CACNA1C: variants seen among roughly 807,000 people sequenced by gnomAD.
The protein encoded by CACNA1C is calcium voltage-gated channel subunit alpha1 C.
In CACNA1C, 30 loss-of-function variants were observed where a neutral mutation model predicts 229.0. The ratio of observed to expected loss-of-function variants is 0.13; its 90% CI spans 0.10 to 0.18. The LOEUF is 0.18. Among genes scored for constraint, CACNA1C ranks in the 10% least tolerant of loss-of-function variants. The pLI, the probability that CACNA1C is intolerant of heterozygous loss-of-function variation, is 1.00. For missense variants in CACNA1C, 1,658 were observed against 2,845.0 expected (o/e 0.58, Z 9.49); for synonymous variants, 1,114 against 1,132.5 (o/e 0.98, Z 0.33).
intron 1 of CACNA1C, among the ~76,000 whole-genome samples, chr12:2,085,718 C>T (rs1317381772): frequency 1.3e-5 from 2 of 152,176 alleles, no homozygotes; most frequent in Admixed American, 1.3e-4. Context: ...TAGCCCTCAT[C>T]CTGTACTGTG....
Position 2,287,042 on chromosome 12 carries a change from C to G in CACNA1C, c.478-161934C>G, listed in dbSNP as rs975707535. Among the ~76,000 whole-genome samples, 1 of 152,222 alleles carries G rather than the reference C, an allele frequency of 6.6e-6. No homozygotes were observed. The highest frequency in any genetic ancestry group is 1.5e-5 in the Non-Finnish European group (1 of 68,052). On this transcript the variant is annotated intron_variant, in intron 3 of 46. Coordinates refer to ENST00000399655, the MANE Select transcript of CACNA1C (RefSeq NM_000719.7). This position sits in a 1 kb window ranked among gnomAD's most constrained non-coding sequence, Gnocchi z 4.6. Reference sequence around the variant, plus strand: ...TTTGGAAGCTGTGTGCCTTGTCTGGCTGACTGTCCCAATTACCCCGGGCCC... The same window carrying G: ...TTTGGAAGCTGTGTGCCTTGTCTGGGTGACTGTCCCAATTACCCCGGGCCC...
rs952567581 is a variant in CACNA1C, at chr12:2,120,481, G to A, written c.477+51G>A. ...GCTTTTTCACTCGATGGAGAACTGC[G>A]TTCAGATCACATAGATGCATGGAAT... is the stretch of plus-strand genomic sequence containing the variant. On this transcript the variant is annotated intron_variant, in intron 3 of 46. Coordinates refer to ENST00000399655, the MANE Select transcript of CACNA1C (RefSeq NM_000719.7). 7 of 1,008,954 alleles carry A rather than the reference G, an allele frequency of 6.9e-6. No individual in the cohort carries two copies. In the East Asian group the frequency reaches 7.1e-5, roughly 10 times the overall value. 62.5% of individuals were successfully genotyped at this position (1,008,954 alleles called of 1,614,324 possible).
At chr12:2,254,917 C>T (rs926613334) in intron 3 of CACNA1C, among the ~76,000 whole-genome samples, 1 of 152,142 alleles carries the variant, frequency 6.6e-6, no homozygotes, top group Non-Finnish European at 1.5e-5. Flanking sequence ...AGATTCATCC[C>T]GAAGGTCTTT....
chr12:2,269,142 G>A (rs1183290748), intron 3 of CACNA1C, among the ~76,000 whole-genome samples: 3 of 152,168 alleles, frequency 2.0e-5, no homozygotes, highest in East Asian at 1.9e-4. Flanking sequence ...ATGCCTCCGC[G>A]TCTACTCAGG....
chr12:2,301,207 C>T (rs951541415), intron 3 of CACNA1C, among the ~76,000 whole-genome samples: 1 of 152,094 alleles, frequency 6.6e-6, no homozygotes, highest in Non-Finnish European at 1.5e-5. Flanking sequence ...GGGGTGTAGG[C>T]GACAGGAGAG....
rs1230437958 is a variant in CACNA1C, at chr12:2,285,568, G to A, written c.478-163408G>A. ...TCTCCTTAAACACCTCCTCATCCCA[G>A]ACGGGTTGACTTTCAATGAGAGGAC... On this transcript the variant is annotated intron_variant, in intron 3 of 46. Coordinates refer to ENST00000399655, the MANE Select transcript of CACNA1C (RefSeq NM_000719.7). This position sits in a 1 kb window ranked among gnomAD's most constrained non-coding sequence, Gnocchi z 4.2. Among the ~76,000 whole-genome samples, 6 of 152,124 alleles carry A rather than the reference G, an allele frequency of 3.9e-5. No homozygotes were observed. The highest frequency in any genetic ancestry group is 1.4e-4 in the African/African-American group (6 of 41,422).
intron 1 of CACNA1C, among the ~76,000 whole-genome samples, chr12:2,057,559 G>A (rs891115828): frequency 6.6e-6 from 1 of 152,104 alleles, no homozygotes; most frequent in Non-Finnish European, 1.5e-5. Context: ...TCTCCGTGCC[G>A]CCGCACACAC....
chr12:2,293,216 A>G (rs1403279308), intron 3 of CACNA1C, among the ~76,000 whole-genome samples: 7 of 152,228 alleles, frequency 4.6e-5, no homozygotes, highest in Non-Finnish European at 8.8e-5. Context: ...ACCAAAAGCA[A>G]AAGAAATGGG....
intron 3 of CACNA1C, among the ~76,000 whole-genome samples, chr12:2,230,845 T>G (rs2064879016): frequency 6.6e-6 from 1 of 152,230 alleles, no homozygotes; most frequent in Admixed American, 6.5e-5. Context: ...TCTTAAAGAA[T>G]GATCTGGTGA....
In CACNA1C at chr12:2,354,459, C is replaced by G. The variant is rs2097297310; in HGVS notation, c.478-94517C>G. Among the ~76,000 whole-genome samples, 2 of 152,104 alleles carry G rather than the reference C, an allele frequency of 1.3e-5. No homozygotes were observed. Among genetic ancestry groups the G allele is most frequent in the Admixed American group, 1.3e-4 (2 of 15,278 alleles). Reference sequence around the variant, plus strand: ...TATGACTGCAGCCTGTAGGGAAACGCCGGGAGGAACAGGAGACTGTTGAGA... The same window carrying G: ...TATGACTGCAGCCTGTAGGGAAACGGCGGGAGGAACAGGAGACTGTTGAGA... On this transcript the variant is annotated intron_variant, in intron 3 of 46. Transcript: ENST00000399655. This position sits in a 1 kb window ranked among gnomAD's most constrained non-coding sequence, Gnocchi z 4.6.
chr12:2,405,919 C>A (rs2098732785), intron 3 of CACNA1C, among the ~76,000 whole-genome samples: 1 of 152,168 alleles, frequency 6.6e-6, no homozygotes, highest in Admixed American at 6.5e-5. Context: ...AGAGAACTTC[C>A]TTTTGCCATT....
At position 2,678,212 on chromosome 12, in the gene CACNA1C, G is replaced by A. The variant is rs1469491184; in HGVS notation, c.5091+345G>A. 6.6e-6 allele frequency among the ~76,000 whole-genome samples: 1 copy of A among 152,150 alleles called. No homozygotes were observed. Among genetic ancestry groups the A allele is most frequent in the South Asian group, 2.1e-4 (1 of 4,820 alleles). ...CACATCTAATCTGCAGGCTTGTTTT[G>A]TTTGTTAATATTTGAAAATCAAGAC... On this transcript the variant is annotated intron_variant, in intron 41 of 46. Coordinates refer to ENST00000399655, the MANE Select transcript of CACNA1C (RefSeq NM_000719.7). This position sits in a 1 kb window ranked among gnomAD's most constrained non-coding sequence, Gnocchi z 4.1.
At chr12:2,500,384 A>G (rs114149506) in intron 7 of CACNA1C, among the ~76,000 whole-genome samples, 1,589 of 152,306 alleles carry the variant, frequency 0.01, 34 homozygotes, top group African/African-American at 0.036. Context: ...GGCCTTAGGA[A>G]ATCTCCAAGG....
intron 21 of CACNA1C, among the ~76,000 whole-genome samples, chr12:2,598,604 C>A (rs1216665022): frequency 6.6e-6 from 1 of 152,208 alleles, no homozygotes; most frequent in African/African-American, 2.4e-5. Flanking sequence ...GTCCAGGCTC[C>A]CTTGTCATCC....
chr12:2,031,671 G>T (rs2048245444), intron 1 of CACNA1C, among the ~76,000 whole-genome samples: 1 of 152,174 alleles, frequency 6.6e-6, no homozygotes, highest in Non-Finnish European at 1.5e-5. Context: ...TTATTGGGGA[G>T]ATTTTAAAAT....
intron 3 of CACNA1C, among the ~76,000 whole-genome samples, chr12:2,197,737 T>C (rs185588619): frequency 1.4e-4 from 21 of 152,266 alleles, no homozygotes; most frequent in Admixed American, 1.3e-3. Context: ...TAGAACCAAA[T>C]TGGGGGAAGA....
rs1445656236 is a variant in CACNA1C at position 2,106,428 on chromosome 12, C to T, written c.50-8796C>T. Among the ~76,000 whole-genome samples, 21 of 79,868 alleles carry T rather than the reference C, an allele frequency of 2.6e-4. 1 individual carries two copies. The highest frequency in any genetic ancestry group is 1.1e-3 in the Admixed American group (9 of 8,516). 52.4% of individuals were successfully genotyped at this position (79,868 alleles called of 152,430 possible). ...TGGGCGTCCTGAAGCCACTGGGCGCCCACCCTGGGGAGGGTTTCCACCTCA... is the reference window on the plus strand; with the variant it reads ...TGGGCGTCCTGAAGCCACTGGGCGCTCACCCTGGGGAGGGTTTCCACCTCA... On this transcript the variant is annotated intron_variant, in intron 1 of 46. Coordinates refer to ENST00000399655, the MANE Select transcript of CACNA1C (RefSeq NM_000719.7).
At position 2,655,963 on chromosome 12, in the gene CACNA1C, G is replaced by A. The variant is rs773556844; in HGVS notation, c.4232+725G>A. ...GGTACTGCAACACAATAAAGGCCAC[G>A]TATGACAAGGCCACAGCTAACATCA... On this transcript the variant is annotated intron_variant, in intron 34 of 46. Coordinates refer to ENST00000399655, the MANE Select transcript of CACNA1C (RefSeq NM_000719.7). Among the ~76,000 whole-genome samples the A allele has an allele frequency of 3.3e-5, 5 of 152,274 alleles. No homozygotes were observed. In the East Asian group the frequency reaches 5.8e-4, roughly 18 times the overall value.
chr12:2,673,852 A>ATCTC (rs1485148731), intron 38 of CACNA1C, among the ~76,000 whole-genome samples: 1 of 152,154 alleles, frequency 6.6e-6, no homozygotes, highest in Non-Finnish European at 1.5e-5. Context: ...ATATAACCTA[A>ATCTC]TCTCAGGAGT....
Sources: gnomAD v4.1 joint callset for allele counts (sites outside exome capture counted in the v4.1 genomes callset) on GRCh38, gnomAD v4.1.1 for gene constraint, Gnocchi (gnomAD v3.1) non-coding constraint, MANE v1.5 for transcripts, NCBI Gene and HGNC (gene_info 2026-07-23, HGNC 2026-07-21) for gene names.